Variants in SERINC3 observed in about 807,000 individuals in gnomAD.
The protein encoded by SERINC3 is serine incorporator 3.
In SERINC3, 22 loss-of-function variants were observed where a neutral mutation model predicts 52.1. The ratio of observed to expected loss-of-function variants is 0.42; its 90% CI spans 0.30 to 0.60. The LOEUF (loss-of-function observed/expected upper bound fraction) is 0.60. SERINC3 is among the 20% of genes least tolerant of loss of function. The pLI is 0.16. For synonymous variants in SERINC3, 226 were observed against 212.7 expected (o/e 1.06, Z -0.54); for missense variants, 564 against 584.6 (o/e 0.96, Z 0.36).
At chr20:44,501,339 C>T in intron 8 of SERINC3, 39 bp from the exon 9 acceptor site, 2 of 1,546,514 alleles carry the variant, frequency 1.3e-6, no homozygotes, top group Non-Finnish European at 1.8e-6. Context: ...CAGAAAGGGG[C>T]CATGACAATG....
At chr20:44,500,980 G>A (rs1181571158) in intron 9 of SERINC3, 93 bp downstream of exon 9, 3 of 866,388 alleles carry the variant, frequency 3.5e-6, no homozygotes, top group Admixed American at 4.2e-5. Flanking sequence ...ATATGGGTAA[G>A]AGCAAGGGTT....
At chr20:44,506,680 G>C (rs1431245785) in intron 6 of SERINC3, 147 bp downstream of exon 6, 2 of 398,130 alleles carry the variant, frequency 5.0e-6, no homozygotes, top group African/African-American at 2.1e-5. Context: ...TATGATATAG[G>C]CATGAAATAG....
intron 8 of SERINC3, among the ~76,000 whole-genome samples, chr20:44,502,882 C>T (rs1001093133): frequency 2.6e-5 from 4 of 152,170 alleles, no homozygotes; most frequent in Admixed American, 6.5e-5. Flanking sequence ...CAGGCATGAG[C>T]CACCATGCCT....
At position 44,500,053 on chromosome 20, in the gene SERINC3, C is replaced by G. The variant is rs2064269648; in HGVS notation, c.*243G>C. The G allele has an allele frequency of 5.1e-6, 2 of 393,066 alleles. No individual in the cohort carries two copies. The highest frequency in any genetic ancestry group is 9.0e-6 in the Non-Finnish European group (2 of 222,872). 24.3% of individuals were successfully genotyped at this position (393,066 alleles called of 1,614,324 possible). ...CTCTTCACAGCACAGCTGTAGTTCACTTTAAACAAAAAATGTTCCCTTTGT... is the reference window on the plus strand; with the variant it reads ...CTCTTCACAGCACAGCTGTAGTTCAGTTTAAACAAAAAATGTTCCCTTTGT... On this transcript the variant is annotated 3_prime_UTR_variant, in exon 10 of 10. Transcript: ENST00000342374.
At chr20:44,515,525 T>G (rs1255363567) in intron 1 of SERINC3, among the ~76,000 whole-genome samples, 1 of 152,134 alleles carries the variant, frequency 6.6e-6, no homozygotes, top group Non-Finnish European at 1.5e-5. Context: ...GACAGAAGAT[T>G]AGGGGTTGAA....
chr20:44,505,478 A>G (rs949237093), intron 6 of SERINC3, among the ~76,000 whole-genome samples: 8 of 149,688 alleles, frequency 5.3e-5, no homozygotes, highest in Non-Finnish European at 8.9e-5. Flanking sequence ...CCGCCACCAC[A>G]CCCGGCTAAT....
In SERINC3 at chr20:44,503,845, A is replaced by C. The variant is rs1029487424; in HGVS notation, c.1025T>G (p.Phe342Cys). The C allele has an allele frequency of 6.3e-7, 1 of 1,582,918 alleles. No individual in the cohort carries two copies. The highest frequency in any genetic ancestry group is 1.4e-5 in the African/African-American group (1 of 72,688). The change falls in exon 8 of 10, where the codon TTT (phenylalanine) becomes TGT (cysteine). Residue 342 changes from phenylalanine to cysteine, a missense_variant. Coordinates refer to ENST00000342374, the MANE Select transcript of SERINC3 (RefSeq NM_006811.4). The part of the protein sequence containing the change: ...LLDSDNFIGL[F>C]VFVLCLLYSS... ...ATACAAGAGGCAGAGAACAAAGACAAACAGTCCAATAAAATTATCTGAATC... is the reference window on the plus strand; with the variant it reads ...ATACAAGAGGCAGAGAACAAAGACACACAGTCCAATAAAATTATCTGAATC...
chr20:44,519,101 C>T (rs999613102), intron 1 of SERINC3, among the ~76,000 whole-genome samples: 1 of 152,116 alleles, frequency 6.6e-6, no homozygotes, highest in Non-Finnish European at 1.5e-5. Flanking sequence ...ATTCACAAGC[C>T]CCCAGAAACA....
chr20:44,503,755 G>C lies in SERINC3; in HGVS notation c.1055+60C>G, dbSNP rs546630344. ...CATGCTGCTTTTTGAAAGCAAAACA[G>C]CTTCTTCACTTTATTATCAACCTCC... On this transcript the variant is annotated intron_variant, in intron 8 of 9. Coordinates refer to ENST00000342374, the MANE Select transcript of SERINC3 (RefSeq NM_006811.4). 5.2e-6 allele frequency: 7 copies of C among 1,336,826 alleles called. No homozygotes were observed. The South Asian group carries it at 7.8e-5, about 15-fold the overall frequency. The allele number at this position is 1,336,826 out of a possible 1,614,324, so 82.8% of individuals were successfully genotyped here.
intron 1 of SERINC3, among the ~76,000 whole-genome samples, chr20:44,519,947 A>G (rs959334729): frequency 2.6e-5 from 4 of 152,222 alleles, no homozygotes; most frequent in Non-Finnish European, 5.9e-5. Flanking sequence ...ATGACTGGTG[A>G]CTGGCAGCCC....
At chr20:44,496,354 G>A (rs1466021297), downstream of SERINC3, 1 of 152,398 alleles carries the variant, frequency 6.6e-6, no homozygotes. Context: ...TGAGTTGGGT[G>A]CCTAGGTAAC....
intron 1 of SERINC3, among the ~76,000 whole-genome samples, chr20:44,521,604 G>A (rs536457817): frequency 2.0e-5 from 3 of 152,364 alleles, no homozygotes; most frequent in Admixed American, 1.3e-4. Context: ...CCCTCGCTGG[G>A]AGCTGTCATT....
intron 1 of SERINC3, among the ~76,000 whole-genome samples, chr20:44,514,425 C>T (rs1173261966): frequency 6.6e-6 from 1 of 152,212 alleles, no homozygotes; most frequent in Non-Finnish European, 1.5e-5. Flanking sequence ...ACTCCACTTG[C>T]TGCTTACTGC....
chr20:44,502,491 G>T lies in SERINC3; in HGVS notation c.1056-1191C>A, dbSNP rs557467795. On this transcript the variant is annotated intron_variant, in intron 8 of 9. Transcript: ENST00000342374. ...TCAGCTACTCAGGAGGCTGAGGTGGGAGGATCACTTGAGACCAGGAGCTTG... is the reference window on the plus strand; with the variant it reads ...TCAGCTACTCAGGAGGCTGAGGTGGTAGGATCACTTGAGACCAGGAGCTTG... 2.6e-5 allele frequency among the ~76,000 whole-genome samples: 4 copies of T among 151,146 alleles called. 1 individual carries two copies. In the East Asian group the frequency reaches 7.8e-4, roughly 29 times the overall value.
intron 1 of SERINC3, among the ~76,000 whole-genome samples, chr20:44,519,668 C>A (rs549382069): frequency 4.1e-4 from 63 of 152,176 alleles, no homozygotes; most frequent in African/African-American, 1.4e-3. Flanking sequence ...TGGTGTCACA[C>A]ACCTGTACTG....
At chr20:44,504,176 G>GA (rs1018093590) in intron 7 of SERINC3, among the ~76,000 whole-genome samples, 181 bp from the exon 8 acceptor site, 89 of 150,638 alleles carry the variant, frequency 5.9e-4, no homozygotes, top group African/African-American at 1.6e-3. Flanking sequence ...ACAGAATTAG[G>GA]AAAAAAAAAG....
At chr20:44,513,040 C>T in intron 2 of SERINC3, 46 bp from the exon 3 acceptor site, 1 of 1,336,658 alleles carries the variant, frequency 7.5e-7, no homozygotes, top group African/African-American at 1.5e-5. Flanking sequence ...TACATTTAGA[C>T]AGAGACTCTA....
At chr20:44,516,638 C>T (rs2064382560) in intron 1 of SERINC3, among the ~76,000 whole-genome samples, 2 of 152,214 alleles carry the variant, frequency 1.3e-5, no homozygotes, top group South Asian at 2.1e-4. Flanking sequence ...GTGATCTGCC[C>T]GCCTCCGCCT....
At chr20:44,512,738 A>G in intron 3 of SERINC3, 63 bp downstream of exon 3, 2 of 1,318,820 alleles carry the variant, frequency 1.5e-6, no homozygotes, top group Non-Finnish European at 2.1e-6. Flanking sequence ...TGGCTATATT[A>G]ACTGCTGAAG....
Sources: allele counts gnomAD v4.1 joint callset (sites outside exome capture counted in the v4.1 genomes callset), GRCh38; gene constraint gnomAD v4.1.1; transcripts MANE v1.5; gene names NCBI Gene and HGNC (gene_info 2026-07-23, HGNC 2026-07-21).